The following TPD52 variants were observed in gnomAD, a reference collection of about 807,000 sequenced individuals.
TPD52 encodes prostate and colon associated protein.
TPD52 carries 17 observed loss-of-function variants against 31.3 expected under a neutral mutation model. That is an observed-to-expected ratio of 0.54 (90% CI 0.37 to 0.82). TPD52 has a LOEUF of 0.82. Among genes scored for constraint, TPD52 ranks in the 40% least tolerant of loss-of-function variants. The pLI is 0.00. For missense variants in TPD52, 212 were observed against 240.1 expected (o/e 0.88, Z 0.77); for synonymous variants, 83 against 89.6 (o/e 0.93, Z 0.42).
At chr8:80,038,805 G>T (rs1460956268) in intron 7 of TPD52, among the ~76,000 whole-genome samples, 1 of 152,120 alleles carries the variant, frequency 6.6e-6, no homozygotes, top group Non-Finnish European at 1.5e-5. Flanking sequence ...CTACAGAATT[G>T]AAATCAACAC....
intron 1 of TPD52, among the ~76,000 whole-genome samples, chr8:80,096,615 A>G (rs542364122): frequency 6.6e-6 from 1 of 152,136 alleles, no homozygotes; most frequent in Admixed American, 6.5e-5. Flanking sequence ...CATTATTTCA[A>G]ACTTTTTCAT....
At chr8:80,042,948 C>T (rs1334821771) in intron 6 of TPD52, 1 of 244,696 alleles carries the variant, frequency 4.1e-6, no homozygotes, top group Non-Finnish European at 7.8e-6. Flanking sequence ...GGAGAGGTAA[C>T]GAAGCCGGGT....
chr8:80,135,039 C>T (rs1341547923), intron 1 of TPD52, among the ~76,000 whole-genome samples: 3 of 152,256 alleles, frequency 2.0e-5, no homozygotes, highest in South Asian at 4.1e-4. Flanking sequence ...TTCCAGGAGA[C>T]GTACGCAAGT....
intron 5 of TPD52, among the ~76,000 whole-genome samples, chr8:80,049,385 C>G (rs182084752): frequency 1.3e-5 from 2 of 152,110 alleles, no homozygotes; most frequent in Non-Finnish European, 2.9e-5. Context: ...TGAATGCCAA[C>G]GATACACAAT....
Position 80,044,137 on chromosome 8 carries a change from C to T in TPD52, c.455+30G>A, listed in dbSNP as rs544670430. On this transcript the variant is annotated intron_variant, in intron 6 of 7. Coordinates refer to ENST00000518937, the MANE Select transcript of TPD52 (RefSeq NM_001025253.3). ...AAATAAAGAAAAATAAAGCATAAGA[C>T]CAACTACATTTCATAAAAATATACT... 1.1e-4 allele frequency: 167 copies of T among 1,562,792 alleles called. 2 individuals carry two copies. In the Middle Eastern group the frequency reaches 4.3e-3, roughly 40 times the overall value.
chr8:80,093,178 A>G (rs1816422866), intron 1 of TPD52, among the ~76,000 whole-genome samples: 1 of 151,992 alleles, frequency 6.6e-6, no homozygotes, highest in South Asian at 2.1e-4. Flanking sequence ...ACTCTGGAAT[A>G]ATAATAATAA....
intron 1 of TPD52, among the ~76,000 whole-genome samples, chr8:80,069,677 GTTTT>G (rs5892704): frequency 5.3e-5 from 8 of 151,316 alleles, no homozygotes; most frequent in African/African-American, 1.9e-4. Context: ...GATAAAGCAG[GTTTT>G]TTTTTAGTTT....
Position 80,064,462 on chromosome 8 carries a change from A to T in TPD52, c.135+16T>A, listed in dbSNP as rs924235114. The T allele has an allele frequency of 1.0e-5, 16 of 1,595,758 alleles. No individual in the cohort carries two copies. Among genetic ancestry groups the T allele is most frequent in the Non-Finnish European group, 1.4e-5 (16 of 1,163,456 alleles). ...TTAAGTGCAAAAATAAAGTTGCAAA[A>T]GGAATGGTTCTTTACCTTTGCAAGT... is the stretch of plus-strand genomic sequence containing the variant. On this transcript the variant is annotated intron_variant, in intron 2 of 7. Transcript: ENST00000518937.
intron 1 of TPD52, among the ~76,000 whole-genome samples, chr8:80,130,523 T>C (rs757338024): frequency 2.0e-5 from 3 of 152,222 alleles, no homozygotes; most frequent in Non-Finnish European, 4.4e-5. Context: ...TTTCATATGC[T>C]GTGCCCTCCA....
At chr8:80,140,847 C>A (rs571055608) in intron 1 of TPD52, among the ~76,000 whole-genome samples, 1 of 152,204 alleles carries the variant, frequency 6.6e-6, no homozygotes, top group African/African-American at 2.4e-5. Flanking sequence ...ACGAGTGGGT[C>A]ACCTCAGATT....
chr8:80,040,184 C>CTTTTTT (rs1563557956), intron 7 of TPD52, among the ~76,000 whole-genome samples: 1 of 132,384 alleles, frequency 7.6e-6, no homozygotes, highest in African/African-American at 3.1e-5. Context: ...AATACGCTAT[C>CTTTTTT]CTTTTTTTTT....
chr8:80,136,401 G>A (rs1809419954), intron 1 of TPD52, among the ~76,000 whole-genome samples: 1 of 150,874 alleles, frequency 6.6e-6, no homozygotes, highest in Non-Finnish European at 1.5e-5. Flanking sequence ...GTGGGCACCT[G>A]TAGTCCCAGC....
chr8:80,047,146 T>C (rs1810943260), intron 5 of TPD52, among the ~76,000 whole-genome samples: 1 of 152,154 alleles, frequency 6.6e-6, no homozygotes, highest in Non-Finnish European at 1.5e-5. Context: ...CCACCACTGC[T>C]CTGGGGAGGC....
chr8:80,062,629 G>C (rs1324826878), intron 2 of TPD52, among the ~76,000 whole-genome samples: 3 of 152,132 alleles, frequency 2.0e-5, no homozygotes, highest in Admixed American at 6.5e-5. Flanking sequence ...ATATTAAATG[G>C]TGTTAATACT....
At chr8:80,059,832 C>G (rs1457574761) in intron 2 of TPD52, among the ~76,000 whole-genome samples, 2 of 151,870 alleles carry the variant, frequency 1.3e-5, no homozygotes, top group African/African-American at 4.8e-5. Context: ...CCAGCCTGGG[C>G]AACGGAGTGA....
chr8:80,064,140 G>A (rs2130684249), intron 2 of TPD52, among the ~76,000 whole-genome samples: 1 of 152,230 alleles, frequency 6.6e-6, no homozygotes, highest in East Asian at 1.9e-4. Flanking sequence ...ACACAGCCAA[G>A]GGTAGAACAA....
At chr8:80,158,934 A>G in intron 1 of TPD52, 1 of 116,436 alleles carries the variant, frequency 8.6e-6, no homozygotes, top group African/African-American at 3.8e-5. Context: ...ACAGAGCGAG[A>G]CTCCGTCTCA....
chr8:80,051,002 GA>G (rs201164661), intron 4 of TPD52, among the ~76,000 whole-genome samples: 1,544 of 119,074 alleles, frequency 0.013, 29 homozygotes, highest in African/African-American at 0.037. Context: ...TAATCTAAAT[GA>G]AAAAAAAAAA....
intron 1 of TPD52, among the ~76,000 whole-genome samples, chr8:80,131,761 T>C (rs1472086686): frequency 6.6e-6 from 1 of 152,174 alleles, no homozygotes; most frequent in Non-Finnish European, 1.5e-5. Flanking sequence ...CACACCCCTT[T>C]ACAGGTGCTC....
Sources: gnomAD v4.1 joint callset for allele counts (sites outside exome capture counted in the v4.1 genomes callset) on GRCh38, gnomAD v4.1.1 for gene constraint, MANE v1.5 for transcripts, NCBI Gene and HGNC (gene_info 2026-07-23, HGNC 2026-07-21) for gene names.